METTL8: variants seen among roughly 807,000 people sequenced by gnomAD.
The protein encoded by METTL8 is tRNA N(3)-cytidine methyltransferase METTL8, mitochondrial.
METTL8 carries 32 observed loss-of-function variants against 48.7 expected under a neutral mutation model. The ratio of observed to expected loss-of-function variants is 0.66; its 90% CI spans 0.50 to 0.88. The LOEUF (loss-of-function observed/expected upper bound fraction) is 0.88, where lower values mean the gene tolerates loss of function less well. Ranked by LOEUF, METTL8 falls within the 40% of genes least tolerant of loss-of-function variation. The pLI is 0.00. For missense variants in METTL8, 464 were observed against 474.4 expected (o/e 0.98, Z 0.20); for synonymous variants, 136 against 157.1 (o/e 0.87, Z 1.01).
At chr2:171,408,590 C>A (rs962515987) in intron 1 of METTL8, among the ~76,000 whole-genome samples, 3 of 152,286 alleles carry the variant, frequency 2.0e-5, no homozygotes, top group East Asian at 3.9e-4. Context: ...CCGTGACCAG[C>A]TGCTGGGAAT....
chr2:171,410,482 C>T (rs149135525), intron 1 of METTL8, among the ~76,000 whole-genome samples: 1 of 152,224 alleles, frequency 6.6e-6, no homozygotes, highest in East Asian at 1.9e-4. Flanking sequence ...CTCCCTGCCA[C>T]CTGACAACCT....
rs1196444273 is a variant in METTL8, at chr2:171,321,170, C to T, written c.*3002G>A. On this transcript the variant is annotated 3_prime_UTR_variant, in exon 10 of 10. Coordinates refer to ENST00000375258, the MANE Select transcript of METTL8 (RefSeq NM_001321154.2). The stretch of plus-strand genomic sequence containing the variant: ...GGAAATACTATTACTACTGCTACCA[C>T]TGCTATATGATGTGTTGGCTGTGAC... 2.6e-5 allele frequency: 4 copies of T among 152,344 alleles called. No homozygotes were observed. Among genetic ancestry groups the T allele is most frequent in the Middle Eastern group, 3.4e-3 (1 of 294 alleles). The allele number at this position is 152,344 out of a possible 1,614,324, so 9.4% of individuals were successfully genotyped here.
chr2:171,415,829 T>C (rs1691260733), intron 1 of METTL8, among the ~76,000 whole-genome samples: 1 of 152,248 alleles, frequency 6.6e-6, no homozygotes, highest in Admixed American at 6.5e-5. Context: ...TGCTGGATTC[T>C]GGACCCAAAT....
At chr2:171,393,407 C>CAAAAAAAAA (rs10629650) in intron 1 of METTL8, among the ~76,000 whole-genome samples, 8 of 104,188 alleles carry the variant, frequency 7.7e-5, no homozygotes, top group South Asian at 3.5e-4. Context: ...TATAAAAAAG[C>CAAAAAAAAA]AAAAAAAAAA....
intron 1 of METTL8, among the ~76,000 whole-genome samples, chr2:171,420,102 G>C (rs1280088725): frequency 1.3e-5 from 2 of 152,220 alleles, no homozygotes; most frequent in East Asian, 3.9e-4. Flanking sequence ...TGTAATCCCA[G>C]CACTTTGGGA....
chr2:171,362,597 A>G (rs180845892), intron 2 of METTL8, among the ~76,000 whole-genome samples: 1 of 151,348 alleles, frequency 6.6e-6, no homozygotes. Flanking sequence ...AAATAAATAA[A>G]TAAATCAAAA....
At chr2:171,375,162 G>C in intron 2 of METTL8, 1 of 1,472,974 alleles carries the variant, frequency 6.8e-7, no homozygotes, top group Non-Finnish European at 9.4e-7. Flanking sequence ...TTCGAATGAC[G>C]AATTTCTTAA....
In METTL8 at chr2:171,322,069, T is replaced by C. The variant is rs1684548525; in HGVS notation, c.*2103A>G. The C allele has an allele frequency of 6.6e-6, 1 of 151,702 alleles. No individual in the cohort carries two copies. Among genetic ancestry groups the C allele is most frequent in the Non-Finnish European group, 1.5e-5 (1 of 67,908 alleles). 9.4% of individuals were successfully genotyped at this position (151,702 alleles called of 1,614,324 possible). On this transcript the variant is annotated 3_prime_UTR_variant, in exon 10 of 10. Transcript: ENST00000375258. ...CCTCTGCCTCCCGGGTTCAAGTGAT[T>C]CTCCTGCCTCAGCCTCCCGAGTAGC...
chr2:171,369,156 A>T (rs1379301006), intron 2 of METTL8, among the ~76,000 whole-genome samples: 1 of 151,430 alleles, frequency 6.6e-6, no homozygotes, highest in Non-Finnish European at 1.5e-5. Flanking sequence ...AATACAAAAA[A>T]TTAGCCGGGC....
At chr2:171,330,922 CT>C (rs1685461225) in intron 6 of METTL8, among the ~76,000 whole-genome samples, 1 of 152,072 alleles carries the variant, frequency 6.6e-6, no homozygotes, top group African/African-American at 2.4e-5. Flanking sequence ...TTCGCAATCC[CT>C]CTTTAACTTT....
chr2:171,414,331 T>C (rs4624349), intron 1 of METTL8, among the ~76,000 whole-genome samples: 149,809 of 151,872 alleles, frequency 0.99, 73,927 homozygotes, highest in Middle Eastern at 1. Flanking sequence ...GCAGGAGAAT[T>C]GCTTGAACCC....
At chr2:171,377,555 C>T (rs990743314) in intron 2 of METTL8, among the ~76,000 whole-genome samples, 5 of 151,978 alleles carry the variant, frequency 3.3e-5, no homozygotes, top group Non-Finnish European at 7.4e-5. Context: ...ACAAATAATC[C>T]TGTCAAAAAG....
At chr2:171,396,514 T>A (rs2105577697) in intron 1 of METTL8, among the ~76,000 whole-genome samples, 1 of 152,240 alleles carries the variant, frequency 6.6e-6, no homozygotes, top group East Asian at 1.9e-4. Context: ...TTTAAAAAAA[T>A]TTTAGTCTAT....
intron 2 of METTL8, among the ~76,000 whole-genome samples, chr2:171,391,330 T>C (rs2105561443): frequency 6.6e-6 from 1 of 152,368 alleles, no homozygotes; most frequent in African/African-American, 2.4e-5. Flanking sequence ...AAAAAAATTG[T>C]GTGACTCACT....
intron 1 of METTL8, among the ~76,000 whole-genome samples, chr2:171,396,964 CA>C (rs1363902370): frequency 1.3e-5 from 2 of 150,526 alleles, no homozygotes; most frequent in Non-Finnish European, 3.0e-5. Flanking sequence ...GCTGGTACTA[CA>C]GGCATGTACC....
intron 3 of METTL8, among the ~76,000 whole-genome samples, chr2:171,355,263 A>G (rs960193498): frequency 7.2e-5 from 11 of 152,232 alleles, no homozygotes; most frequent in African/African-American, 2.4e-4. Flanking sequence ...AGGTATCACC[A>G]GTGGAGGCTG....
At chr2:171,362,116 G>A (rs1685224497) in intron 2 of METTL8, among the ~76,000 whole-genome samples, 1 of 152,150 alleles carries the variant, frequency 6.6e-6, no homozygotes, top group Non-Finnish European at 1.5e-5. Flanking sequence ...CTGGGTAACG[G>A]TCAGATTTCA....
chr2:171,342,150 C>T (rs897905758), intron 3 of METTL8, among the ~76,000 whole-genome samples: 4 of 152,222 alleles, frequency 2.6e-5, no homozygotes, highest in Non-Finnish European at 5.9e-5. Context: ...TCCTGAGGCC[C>T]TTATAATTTT....
At chr2:171,359,999 A>G (rs1684999664) in intron 3 of METTL8, among the ~76,000 whole-genome samples, 1 of 152,174 alleles carries the variant, frequency 6.6e-6, no homozygotes, top group African/African-American at 2.4e-5. Context: ...ACTGCCTTCA[A>G]TCCTTACTGA....
Sources: allele counts gnomAD v4.1 joint callset (sites outside exome capture counted in the v4.1 genomes callset), GRCh38; gene constraint gnomAD v4.1.1; transcripts MANE v1.5; gene names NCBI Gene and HGNC (gene_info 2026-07-23, HGNC 2026-07-21).